Variants in ALDH3A1 observed in about 807,000 individuals in gnomAD.
The protein encoded by ALDH3A1 is aldehyde dehydrogenase 3 family member A1.
A neutral mutation model predicts 49.9 loss-of-function variants in ALDH3A1; 46 were observed. The ratio of observed to expected loss-of-function variants is 0.92; its 90% CI spans 0.73 to 1.18. ALDH3A1 has a LOEUF of 1.18. Ranked by LOEUF, ALDH3A1 falls within the 50% of genes most tolerant of loss-of-function variation. The pLI, the probability that ALDH3A1 is intolerant of heterozygous loss-of-function variation, is 0.00. For synonymous variants in ALDH3A1, 269 were observed against 253.3 expected (o/e 1.06, Z -0.59); for missense variants, 592 against 611.8 (o/e 0.97, Z 0.34).
At position 19,739,655 on chromosome 17, in the gene ALDH3A1, G is replaced by A. The variant is rs1309782343; in HGVS notation, c.969C>T (p.Asp323=). 8.7e-6 allele frequency: 14 copies of A among 1,613,690 alleles called. No homozygotes were observed. The highest frequency in any genetic ancestry group is 5.0e-5 in the Admixed American group (3 of 59,976). Residue 323 remains aspartate, a synonymous_variant, in exon 8 of 11, where the codon GAC becomes GAT. Transcript: ENST00000225740. ...GCATCACCGGGGACTGGGGGTCCACGTCCGTGAGGATGGTGGGGGCTGAGG... is the reference window on the plus strand; with the variant it reads ...GCATCACCGGGGACTGGGGGTCCACATCCGTGAGGATGGTGGGGGCTGAGG... ...TRYIAPTILT[D]VDPQSPVMQE...
intron 5 of ALDH3A1, 181 bp from the exon 6 acceptor site, chr17:19,741,391 C>T (rs1017433444): frequency 1.8e-6 from 1 of 552,556 alleles, no homozygotes. Context: ...TGGCCCTGAT[C>T]ATGTTCACCG....
At position 19,740,449 on chromosome 17, in the gene ALDH3A1, G is replaced by C. The variant is rs376671939; in HGVS notation, c.836C>G (p.Ser279Cys). 3.6e-5 allele frequency: 58 copies of C among 1,614,006 alleles called. No individual in the cohort carries two copies. The highest frequency in any genetic ancestry group is 8.5e-6 in the Non-Finnish European group (10 of 1,180,044). The change falls in exon 7 of 11, where the codon TCC (serine) becomes TGC (cysteine). Residue 279 changes from serine to cysteine, a missense_variant. Physicochemically the swap from Ser to Cys is moderately radical, Grantham distance 112. Coordinates refer to ENST00000225740, the MANE Select transcript of ALDH3A1 (RefSeq NM_000691.5). ...KEFYGEDAKK[S>C]RDYGRIISAR... ...ACTAATGATTCTTCCATAGTCCCGG[G>C]ATTTCTTAGCATCTTCCCCGTAGAA...
In ALDH3A1 at chr17:19,748,247, G is replaced by A. The variant is rs760061558; in HGVS notation, c.-6+12C>T. ...CAAGAGAAAAAATAAGGAATGCAGGGAAGAGGATTACCTTTGACACAGCCT... is the reference window on the plus strand; with the variant it reads ...CAAGAGAAAAAATAAGGAATGCAGGAAAGAGGATTACCTTTGACACAGCCT... On this transcript the variant is annotated intron_variant, in intron 1 of 10. Coordinates refer to ENST00000225740, the MANE Select transcript of ALDH3A1 (RefSeq NM_000691.5). The surrounding 1 kb of genome is among the most constrained non-coding windows in gnomAD (Gnocchi z 4.4). 1.0e-5 allele frequency: 5 copies of A among 489,396 alleles called. No individual in the cohort carries two copies. Among genetic ancestry groups the A allele is most frequent in the South Asian group, 7.3e-5 (5 of 68,282 alleles). The allele number at this position is 489,396 out of a possible 1,614,324, so 30.3% of individuals were successfully genotyped here.
At chr17:19,738,628 G>A in intron 9 of ALDH3A1, 175 bp from the exon 10 acceptor site, 1 of 1,009,362 alleles carries the variant, frequency 9.9e-7, no homozygotes, top group Non-Finnish European at 1.4e-6. Context: ...GCCCCAGGTT[G>A]TGGCCCTTTT....
chr17:19,744,912 C>CCCCCCCCCCCA, intron 2 of ALDH3A1, 56 bp downstream of exon 2: 4 of 1,133,134 alleles, frequency 3.5e-6, no homozygotes, highest in South Asian at 1.8e-5. Flanking sequence ...CCCCTCCCCC[C>CCCCCCCCCCCA]ACGCCCCATC....
chr17:19,746,296 G>A (rs1190781035), intron 1 of ALDH3A1, among the ~76,000 whole-genome samples: 1 of 152,172 alleles, frequency 6.6e-6, no homozygotes, highest in Admixed American at 6.5e-5. Context: ...GGCTGAGGCA[G>A]GAGAATTGCT....
Position 19,739,488 on chromosome 17 carries a change from AC to A in ALDH3A1, c.1116+19del. 1 of 1,599,666 alleles carries A rather than the reference AC, an allele frequency of 6.3e-7. No homozygotes were observed. The highest frequency in any genetic ancestry group is 8.5e-7 in the Non-Finnish European group (1 of 1,174,100). ...GGGCCCCAGGACCCTGGCAGAGGGCACCCCAGGCCCACCACCCACCTTGTCG... is the reference window on the plus strand; with the variant it reads ...GGGCCCCAGGACCCTGGCAGAGGGCACCCAGGCCCACCACCCACCTTGTCG... On this transcript the variant is annotated intron_variant, in intron 8 of 10. Coordinates refer to ENST00000225740, the MANE Select transcript of ALDH3A1 (RefSeq NM_000691.5).
In ALDH3A1 at chr17:19,738,363, T is replaced by A; in HGVS notation, c.1307A>T (p.Asp436Val). The A allele has an allele frequency of 6.2e-7, 1 of 1,613,916 alleles. No homozygotes were observed. The highest frequency in any genetic ancestry group is 8.5e-7 in the Non-Finnish European group (1 of 1,179,842). The change falls in exon 10 of 11, where the codon GAT becomes GTT. Residue 436 changes from aspartate to valine, a missense_variant. Coordinates refer to ENST00000225740, the MANE Select transcript of ALDH3A1 (RefSeq NM_000691.5). ...GGGGTATCTGACCTTCAGGCCTTCA[T>A]CATTCATCAGAGGCCTCACCAGGCA... The part of the protein sequence containing the change: ...RSCLVRPLMN[D>V]EGLKVRYPPS...
At position 19,745,144 on chromosome 17, in the gene ALDH3A1, G is replaced by C; in HGVS notation, c.-5-10C>G. On this transcript the variant is annotated splice_polypyrimidine_tract_variant and intron_variant, in intron 1 of 10. Coordinates refer to ENST00000225740, the MANE Select transcript of ALDH3A1 (RefSeq NM_000691.5). ...ATCTTGCTCATGGCGCCTGGGGACA[G>C]AGAGCACCTGCAGCTGGCTGAGGGG... 6.4e-7 allele frequency: 1 copy of C among 1,560,438 alleles called. No homozygotes were observed. The highest frequency in any genetic ancestry group is 8.6e-7 in the Non-Finnish European group (1 of 1,159,082).
chr17:19,738,589 C>A (rs1220172451), intron 9 of ALDH3A1, 136 bp from the exon 10 acceptor site: 15 of 1,323,176 alleles, frequency 1.1e-5, no homozygotes, highest in Non-Finnish European at 1.6e-5. Context: ...ACCCATCCTT[C>A]CCTCAAATCC....
chr17:19,740,471 A>G lies in ALDH3A1; in HGVS notation c.814T>C (p.Tyr272His). The stretch of plus-strand genomic sequence containing the variant: ...CGGGATTTCTTAGCATCTTCCCCGT[A>G]GAACTCCTGTGGAGAAGAGGTGGGG... ...EKLKKSLKEF[Y>H]GEDAKKSRDY... Residue 272 changes from tyrosine (Y) to histidine (H), a missense_variant, in exon 7 of 11, where the codon TAC becomes CAC. By Grantham distance (83) the Tyr-to-His change is moderately conservative. Coordinates refer to ENST00000225740, the MANE Select transcript of ALDH3A1 (RefSeq NM_000691.5). 1 of 1,614,056 alleles carries G rather than the reference A, an allele frequency of 6.2e-7. No homozygotes were observed. Among genetic ancestry groups the G allele is most frequent in the Non-Finnish European group, 8.5e-7 (1 of 1,180,016 alleles).
chr17:19,743,530 G>GC lies in ALDH3A1; in HGVS notation c.163-68dup. The GC allele has an allele frequency of 6.6e-7, 1 of 1,526,458 alleles. No individual in the cohort carries two copies. Among genetic ancestry groups the GC allele is most frequent in the Non-Finnish European group, 8.8e-7 (1 of 1,137,406 alleles). The allele number at this position is 1,526,458 out of a possible 1,614,324, so 94.6% of individuals were successfully genotyped here. On this transcript the variant is annotated intron_variant, in intron 2 of 10. Transcript: ENST00000225740. The surrounding 1 kb of genome is among the most constrained non-coding windows in gnomAD (Gnocchi z 4.4). Reference sequence around the variant, plus strand: ...CGCCTGCAGCTGGGGCGAGTGGGGAGCCCCACTGCTCAGCTGCCAGGGTGA... The same window carrying GC: ...CGCCTGCAGCTGGGGCGAGTGGGGAGCCCCCACTGCTCAGCTGCCAGGGTGA...
At chr17:19,741,270 T>G in intron 5 of ALDH3A1, 60 bp from the exon 6 acceptor site, 1 of 1,451,048 alleles carries the variant, frequency 6.9e-7, no homozygotes, top group East Asian at 2.3e-5. Flanking sequence ...CATCTCGTTT[T>G]GCAGACCCCT....
chr17:19,746,612 TGTGTGTGTGTGC>T (rs1210387845), intron 1 of ALDH3A1, among the ~76,000 whole-genome samples: 2 of 145,526 alleles, frequency 1.4e-5, no homozygotes, highest in African/African-American at 2.8e-5. Flanking sequence ...GGCGTGTGCA[TGTGTGTGTGTGC>T]GTGTGTGTGT....
At position 19,739,649 on chromosome 17, in the gene ALDH3A1, G is replaced by A; in HGVS notation, c.975C>T (p.Asp325=). ...CCTCTTGCATCACCGGGGACTGGGG[G>A]TCCACGTCCGTGAGGATGGTGGGGG... ...YIAPTILTDV[D]PQSPVMQEEI... The change falls in exon 8 of 11, where the codon GAC becomes GAT. Residue 325 remains aspartate, a synonymous_variant. Transcript: ENST00000225740. The A allele has an allele frequency of 6.2e-7, 1 of 1,613,822 alleles. No homozygotes were observed. The highest frequency in any genetic ancestry group is 1.1e-5 in the South Asian group (1 of 91,010).
chr17:19,743,241 T>A lies in ALDH3A1; in HGVS notation c.385A>T (p.Ile129Phe), dbSNP rs1302086425. The A allele has an allele frequency of 6.2e-7, 1 of 1,613,714 alleles. No homozygotes were observed. Among genetic ancestry groups the A allele is most frequent in the Non-Finnish European group, 8.5e-7 (1 of 1,179,916 alleles). Residue 129 changes from isoleucine to phenylalanine, a missense_variant, in exon 3 of 11, where the codon ATC (isoleucine) becomes TTC (phenylalanine). Physicochemically the swap from Ile to Phe is conservative, Grantham distance 21 (BLOSUM62 0). Coordinates refer to ENST00000225740, the MANE Select transcript of ALDH3A1 (RefSeq NM_000691.5). The surrounding 1 kb of genome is among the most constrained non-coding windows in gnomAD (Gnocchi z 4.4). Reference protein sequence around the residue: ...NLTIQPMVGAIAAGNSVVLKP... With the variant: ...NLTIQPMVGAFAAGNSVVLKP... ...CCACAGGGCCATGCACCTGCAGCGA[T>A]GGCGCCCACCATGGGCTGGATGGTG...
chr17:19,740,378 C>A lies in ALDH3A1; in HGVS notation c.907G>T (p.Val303Leu). Reference sequence around the variant, plus strand: ...GCATCCCCGGTGCCCCCATAAGCCACCTTCTGGCCCTCAATCAGGCCCATC... The same window carrying A: ...GCATCCCCGGTGCCCCCATAAGCCAACTTCTGGCCCTCAATCAGGCCCATC... ...RVMGLIEGQK[V>L]AYGGTGDAAT... The change falls in exon 7 of 11, where the codon GTG (valine) becomes TTG (leucine). Residue 303 changes from valine (V) to leucine (L), a missense_variant. Physicochemically the swap from Val to Leu is conservative, Grantham distance 32. Coordinates refer to ENST00000225740, the MANE Select transcript of ALDH3A1 (RefSeq NM_000691.5). 1 of 1,614,166 alleles carries A rather than the reference C, an allele frequency of 6.2e-7. No individual in the cohort carries two copies. The highest frequency in any genetic ancestry group is 8.5e-7 in the Non-Finnish European group (1 of 1,180,038).
chr17:19,738,320 C>G lies in ALDH3A1; in HGVS notation c.1347+3G>C, dbSNP rs745941149. ...CTCCCCCACAGCGCCTTCCCCCTCT[C>G]ACCTTGGCCGGGCTCGGGGGGTATC... On this transcript the variant is annotated splice_donor_region_variant and intron_variant, in intron 10 of 10. Transcript: ENST00000225740. 7 of 1,613,218 alleles carry G rather than the reference C, an allele frequency of 4.3e-6. No individual in the cohort carries two copies. Among genetic ancestry groups the G allele is most frequent in the Non-Finnish European group, 5.9e-6 (7 of 1,179,206 alleles).
At position 19,745,083 on chromosome 17, in the gene ALDH3A1, C is replaced by A. The variant is rs766871933; in HGVS notation, c.47G>T (p.Ser16Ile). The A allele has an allele frequency of 4.4e-6, 7 of 1,591,756 alleles. No individual in the cohort carries two copies. In the South Asian group the frequency reaches 7.7e-5, roughly 18 times the overall value. ...CTGCAGCGGACGGGTCCTGCCCGAGCTGAAGGCGGCGCGGGCGCGCTTCAC... is the reference window on the plus strand; with the variant it reads ...CTGCAGCGGACGGGTCCTGCCCGAGATGAAGGCGGCGCGGGCGCGCTTCAC... ...EAVKRARAAF[S>I]SGRTRPLQFR... Residue 16 changes from serine to isoleucine, a missense_variant, in exon 2 of 11, where the codon AGC becomes ATC. Coordinates refer to ENST00000225740, the MANE Select transcript of ALDH3A1 (RefSeq NM_000691.5).
Sources: allele counts gnomAD v4.1 joint callset (sites outside exome capture counted in the v4.1 genomes callset), GRCh38; gene constraint gnomAD v4.1.1; non-coding constraint Gnocchi (gnomAD v3.1); transcripts MANE v1.5; gene names NCBI Gene and HGNC (gene_info 2026-07-23, HGNC 2026-07-21).